Variants in PTPRM observed in about 807,000 individuals in gnomAD.
PTPRM encodes the protein protein tyrosine phosphatase receptor type M, also known as receptor-type tyrosine-protein phosphatase mu.
A neutral mutation model predicts 186.7 loss-of-function variants in PTPRM; 47 were observed. That is an observed-to-expected ratio of 0.25 (90% CI 0.20 to 0.32). The LOEUF (loss-of-function observed/expected upper bound fraction) is 0.32, where lower values mean the gene tolerates loss of function less well. Ranked by LOEUF, PTPRM falls within the 10% of genes least tolerant of loss-of-function variation. PTPRM has a pLI of 1.00. For missense variants in PTPRM, 1,494 were observed against 1,865.0 expected, an observed-to-expected ratio of 0.80 and a Z score of 3.66; for synonymous variants, 668 against 674.9, an observed-to-expected ratio of 0.99 and a Z score of 0.16.
At chr18:8,119,974 T>G (rs576275668) in intron 13 of PTPRM, among the ~76,000 whole-genome samples, 5 of 152,214 alleles carry the variant, frequency 3.3e-5, no homozygotes, top group Non-Finnish European at 7.3e-5. Flanking sequence ...GTGATAATTC[T>G]CTTTTATAAT....
chr18:7,668,652 C>T lies in PTPRM; in HGVS notation c.73+100761C>T, dbSNP rs1393698926. On this transcript the variant is annotated intron_variant, in intron 1 of 32. Coordinates refer to ENST00000580170, the MANE Select transcript of PTPRM (RefSeq NM_001105244.2). The surrounding 1 kb of genome is among the most constrained non-coding windows in gnomAD (Gnocchi z 4.7). ...TGCCCCTCATGCAGCTGCCTCCTGCCAGTGGGGCCTCTGCTGCCTCAGCTC... is the reference window on the plus strand; with the variant it reads ...TGCCCCTCATGCAGCTGCCTCCTGCTAGTGGGGCCTCTGCTGCCTCAGCTC... Among the ~76,000 whole-genome samples, 1 of 152,110 alleles carries T rather than the reference C, an allele frequency of 6.6e-6. No homozygotes were observed. The highest frequency in any genetic ancestry group is 1.5e-5 in the Non-Finnish European group (1 of 68,036).
chr18:7,966,942 G>T lies in PTPRM; in HGVS notation c.1132+11528G>T, dbSNP rs1207728811. 1.6e-5 allele frequency among the ~76,000 whole-genome samples: 2 copies of T among 123,882 alleles called. 1 individual carries two copies. Among genetic ancestry groups the T allele is most frequent in the Non-Finnish European group, 3.9e-5 (2 of 51,858 alleles). 81.3% of individuals were successfully genotyped at this position (123,882 alleles called of 152,430 possible). A position where few individuals can be genotyped will look rare whatever the true frequency, so the allele number is the denominator to read the frequency against. ...AAAGCAGCCTGGAAGCTCGAACTGG[G>T]TGGAGCCCACCACAGCTCTAGGAGG... On this transcript the variant is annotated intron_variant, in intron 7 of 32. Transcript: ENST00000580170.
At chr18:7,973,107 A>T (rs1042958242) in intron 7 of PTPRM, among the ~76,000 whole-genome samples, 2 of 152,134 alleles carry the variant, frequency 1.3e-5, no homozygotes, top group African/African-American at 4.8e-5. Flanking sequence ...TTCTTTTGTA[A>T]TATGGATGAC....
chr18:8,228,856 GAAAAGA>G (rs1455792735), intron 14 of PTPRM, among the ~76,000 whole-genome samples: 4 of 151,732 alleles, frequency 2.6e-5, no homozygotes, highest in East Asian at 3.9e-4. Flanking sequence ...CGTCTCAAAA[GAAAAGA>G]AAAAGAAAAA....
chr18:8,075,314 C>T (rs1444749922), intron 8 of PTPRM, among the ~76,000 whole-genome samples: 1 of 151,916 alleles, frequency 6.6e-6, no homozygotes, highest in Non-Finnish European at 1.5e-5. Flanking sequence ...GTCTCCTATG[C>T]CAACACCACA....
At chr18:8,097,741 C>T (rs2145478072) in intron 11 of PTPRM, among the ~76,000 whole-genome samples, 1 of 152,168 alleles carries the variant, frequency 6.6e-6, no homozygotes, top group East Asian at 1.9e-4. Context: ...TAGATAGGTT[C>T]ACCAAGTAGG....
chr18:8,299,454 G>T (rs1045649334), intron 20 of PTPRM, among the ~76,000 whole-genome samples: 1 of 152,060 alleles, frequency 6.6e-6, no homozygotes, highest in Admixed American at 6.6e-5. Context: ...GGGCATGGTG[G>T]CATGTGCCTG....
At chr18:8,214,272 T>C (rs12968402) in intron 14 of PTPRM, among the ~76,000 whole-genome samples, 40,679 of 151,836 alleles carry the variant, frequency 0.27, 5,446 homozygotes, top group Middle Eastern at 0.51. Flanking sequence ...TGCAAGAAAT[T>C]GAAACTTAAA....
chr18:7,768,475 A>G (rs1399528039), intron 1 of PTPRM, among the ~76,000 whole-genome samples: 6 of 152,172 alleles, frequency 3.9e-5, no homozygotes, highest in Admixed American at 3.9e-4. Context: ...CCTGAGCAGC[A>G]GAATGAGATC....
At chr18:8,245,247 C>T (rs1156654873) in intron 15 of PTPRM, among the ~76,000 whole-genome samples, 3 of 152,182 alleles carry the variant, frequency 2.0e-5, no homozygotes, top group African/African-American at 4.8e-5. Flanking sequence ...CTCGTACACG[C>T]GGCTGAGCTC....
intron 7 of PTPRM, among the ~76,000 whole-genome samples, chr18:7,996,553 G>C (rs1452586097): frequency 6.6e-6 from 1 of 151,878 alleles, no homozygotes; most frequent in Non-Finnish European, 1.5e-5. Context: ...AATCAAGCTA[G>C]AGAAAAAAAA....
intron 14 of PTPRM, chr18:8,154,505 T>C (rs2093078731): frequency 6.6e-6 from 1 of 152,210 alleles, no homozygotes; most frequent in Non-Finnish European, 1.5e-5. Context: ...CGTCTGTACT[T>C]GTCACATGCC....
At chr18:8,138,534 T>C (rs1182566215) in intron 13 of PTPRM, among the ~76,000 whole-genome samples, 1 of 152,058 alleles carries the variant, frequency 6.6e-6, no homozygotes, top group African/African-American at 2.4e-5. Context: ...TCCGTTCTGG[T>C]CCTCAGTCTC....
rs577014144 is a variant in PTPRM, at chr18:8,201,007, A to G, written c.2301-43051A>G. On this transcript the variant is annotated intron_variant, in intron 14 of 32. Coordinates refer to ENST00000580170, the MANE Select transcript of PTPRM (RefSeq NM_001105244.2). ...TTAATATGATTAATAATACTATGAC[A>G]TGGAGATTAGAAAAATTAAGATTTA... Among the ~76,000 whole-genome samples, 312 of 152,268 alleles carry G rather than the reference A, an allele frequency of 2.0e-3. 2 individuals are homozygous for G. Among genetic ancestry groups the G allele is most frequent in the Admixed American group, 4.8e-3 (73 of 15,292 alleles).
At chr18:7,689,967 AT>A (rs1468517544) in intron 1 of PTPRM, among the ~76,000 whole-genome samples, 1 of 152,184 alleles carries the variant, frequency 6.6e-6, no homozygotes, top group African/African-American at 2.4e-5. Flanking sequence ...TGCCTTAGGC[AT>A]TTATACTGTA....
chr18:8,294,113 G>A (rs1019344612), intron 19 of PTPRM, among the ~76,000 whole-genome samples: 5 of 152,066 alleles, frequency 3.3e-5, no homozygotes, highest in East Asian at 3.9e-4. Context: ...TCAGCTGGGC[G>A]TGGTGGTGCA....
At chr18:8,282,117 C>G (rs1289490165) in intron 19 of PTPRM, among the ~76,000 whole-genome samples, 1 of 152,040 alleles carries the variant, frequency 6.6e-6, no homozygotes, top group Non-Finnish European at 1.5e-5. Flanking sequence ...TGGGCAAAGA[C>G]ATGAAAGACA....
intron 1 of PTPRM, among the ~76,000 whole-genome samples, chr18:7,615,688 T>C (rs959582410): frequency 6.6e-6 from 1 of 152,168 alleles, no homozygotes; most frequent in African/African-American, 2.4e-5. Context: ...GAAGACAATT[T>C]TTCCACAGAT....
At chr18:8,279,424 CTTAA>C (rs1169853704) in intron 19 of PTPRM, among the ~76,000 whole-genome samples, 5 of 152,146 alleles carry the variant, frequency 3.3e-5, no homozygotes, top group African/African-American at 1.2e-4. Context: ...CCATATAGTT[CTTAA>C]TTAATTCCGC....
Sources: gnomAD v4.1 joint callset for allele counts (sites outside exome capture counted in the v4.1 genomes callset) on GRCh38, gnomAD v4.1.1 for gene constraint, Gnocchi (gnomAD v3.1) non-coding constraint, MANE v1.5 for transcripts, NCBI Gene and HGNC (gene_info 2026-07-23, HGNC 2026-07-21) for gene names.